TAX1BP1: variants seen among roughly 807,000 people sequenced by gnomAD.
TAX1BP1 encodes tax1-binding protein 1.
Under a neutral mutation model 97.7 loss-of-function variants are expected in TAX1BP1, and 62 were observed. The ratio of observed to expected loss-of-function variants is 0.63; its 90% CI spans 0.52 to 0.78. The LOEUF is 0.78. TAX1BP1 is among the 30% of genes least tolerant of loss of function. TAX1BP1 has a pLI of 0.00. For missense variants in TAX1BP1, 867 were observed against 916.1 expected (o/e 0.95, Z 0.69); for synonymous variants, 340 against 304.2 (o/e 1.12, Z -1.23).
At chr7:27,755,436 A>G (rs114998978) in intron 2 of TAX1BP1, among the ~76,000 whole-genome samples, 1,728 of 152,018 alleles carry the variant, frequency 0.011, 29 homozygotes, top group African/African-American at 0.037. Context: ...TGCTTTCCTC[A>G]ACCTAATGTT....
At chr7:27,809,750 A>G (rs189391938) in intron 13 of TAX1BP1, among the ~76,000 whole-genome samples, 1 of 152,306 alleles carries the variant, frequency 6.6e-6, no homozygotes, top group Non-Finnish European at 1.5e-5. Context: ...GGAACTCTAT[A>G]AAGTTGCTTG....
At chr7:27,768,617 C>G (rs1217633109) in intron 4 of TAX1BP1, among the ~76,000 whole-genome samples, 1 of 151,880 alleles carries the variant, frequency 6.6e-6, no homozygotes, top group South Asian at 2.1e-4. Context: ...GATATACTTG[C>G]CTGGTTCTAA....
chr7:27,764,746 T>G (rs1788556379), intron 3 of TAX1BP1, among the ~76,000 whole-genome samples: 1 of 152,108 alleles, frequency 6.6e-6, no homozygotes, highest in South Asian at 2.1e-4. Flanking sequence ...CTTGTATATT[T>G]ATTAGTTGAT....
intron 5 of TAX1BP1, among the ~76,000 whole-genome samples, chr7:27,777,330 G>C (rs1789070967): frequency 6.6e-6 from 1 of 152,016 alleles, no homozygotes; most frequent in African/African-American, 2.4e-5. Context: ...TTTGAGCCTT[G>C]TTTTCAAGCT....
At chr7:27,813,179 C>T (rs1297585963) in intron 13 of TAX1BP1, among the ~76,000 whole-genome samples, 1 of 127,162 alleles carries the variant, frequency 7.9e-6, no homozygotes, top group East Asian at 2.4e-4. Context: ...TTAAAGACAG[C>T]ATCTCCCTGC....
At chr7:27,790,500 G>T (rs2128317532) in intron 8 of TAX1BP1, among the ~76,000 whole-genome samples, 1 of 151,748 alleles carries the variant, frequency 6.6e-6, no homozygotes, top group African/African-American at 2.4e-5. Flanking sequence ...CCCACCAAGA[G>T]TATATGAGAT....
At chr7:27,789,801 T>C (rs982900586) in intron 8 of TAX1BP1, among the ~76,000 whole-genome samples, 3 of 152,028 alleles carry the variant, frequency 2.0e-5, no homozygotes, top group African/African-American at 7.2e-5. Flanking sequence ...ACATTTAGAA[T>C]TAATGGTTAA....
chr7:27,762,612 A>G (rs1788469524), intron 3 of TAX1BP1, among the ~76,000 whole-genome samples: 1 of 152,168 alleles, frequency 6.6e-6, no homozygotes, highest in Admixed American at 6.5e-5. Context: ...AAAGTGGTTA[A>G]AAAGTAGAGA....
chr7:27,750,701 T>C (rs1787987426), intron 2 of TAX1BP1, among the ~76,000 whole-genome samples: 1 of 152,228 alleles, frequency 6.6e-6, no homozygotes, highest in South Asian at 2.1e-4. Context: ...AGATGAATTA[T>C]TACCTTTTTC....
At chr7:27,804,171 A>G (rs1379517081) in intron 13 of TAX1BP1, among the ~76,000 whole-genome samples, 1 of 152,132 alleles carries the variant, frequency 6.6e-6, no homozygotes, top group African/African-American at 2.4e-5. Context: ...GTATAGCAAA[A>G]TTTGTCAGCA....
chr7:27,782,928 A>C (rs1011193943), intron 5 of TAX1BP1, among the ~76,000 whole-genome samples: 5 of 152,152 alleles, frequency 3.3e-5, no homozygotes, highest in Non-Finnish European at 7.4e-5. Context: ...CTGTTATTTT[A>C]AATACTTTTA....
Position 27,800,097 on chromosome 7 carries a change from T to A in TAX1BP1, c.1764+7T>A. ...AGTACAGGACAATTATAAAGTAAGTTTGGTACTCCTTGTATGTAAACTTAA... is the reference window on the plus strand; with the variant it reads ...AGTACAGGACAATTATAAAGTAAGTATGGTACTCCTTGTATGTAAACTTAA... On this transcript the variant is annotated splice_region_variant and intron_variant, in intron 13 of 16. Coordinates refer to ENST00000396319, the MANE Select transcript of TAX1BP1 (RefSeq NM_006024.7). 1 of 1,566,764 alleles carries A rather than the reference T, an allele frequency of 6.4e-7. No homozygotes were observed. The highest frequency in any genetic ancestry group is 1.4e-5 in the African/African-American group (1 of 73,076).
intron 5 of TAX1BP1, among the ~76,000 whole-genome samples, chr7:27,776,870 TTTTA>T (rs1256108161): frequency 6.6e-6 from 1 of 151,964 alleles, no homozygotes; most frequent in East Asian, 1.9e-4. Context: ...AATAGTTAAA[TTTTA>T]TTTGTCTCCA....
At chr7:27,785,631 T>C in intron 7 of TAX1BP1, 142 bp downstream of exon 7, 1 of 685,544 alleles carries the variant, frequency 1.5e-6, no homozygotes, top group Non-Finnish European at 2.5e-6. Flanking sequence ...AGTCAGGATG[T>C]TGGCAAGGGG....
chr7:27,811,888 T>A (rs555922696), intron 13 of TAX1BP1, among the ~76,000 whole-genome samples: 2 of 152,364 alleles, frequency 1.3e-5, no homozygotes, highest in African/African-American at 4.8e-5. Context: ...TGATAGACAT[T>A]AATCTACCAG....
rs147224846 is a variant in TAX1BP1, at chr7:27,772,068, G to T, written c.612+2234G>T. ...AAACCCTCTAAGTTATAAGACATAT[G>T]TGGTGACAATTGTTTATTTCTGGGG... On this transcript the variant is annotated intron_variant, in intron 5 of 16. Transcript: ENST00000396319. 4.1e-3 allele frequency: 619 copies of T among 151,934 alleles called. 4 individuals are homozygous for T. The highest frequency in any genetic ancestry group is 0.021 in the Middle Eastern group (6 of 288). The allele number at this position is 151,934 out of a possible 1,614,324, so 9.4% of individuals were successfully genotyped here.
intron 13 of TAX1BP1, among the ~76,000 whole-genome samples, chr7:27,813,594 C>T (rs1790644997): frequency 6.6e-6 from 1 of 152,152 alleles, no homozygotes; most frequent in South Asian, 2.1e-4. Context: ...CCCAGAGCCT[C>T]ACAAGTGCTG....
intron 13 of TAX1BP1, among the ~76,000 whole-genome samples, chr7:27,813,734 G>GA (rs1339253040): frequency 6.6e-6 from 1 of 152,162 alleles, no homozygotes; most frequent in Non-Finnish European, 1.5e-5. Context: ...GCCACATTGT[G>GA]AAAATCAGTG....
chr7:27,756,857 T>C (rs971467246), intron 2 of TAX1BP1, among the ~76,000 whole-genome samples: 1 of 152,148 alleles, frequency 6.6e-6, no homozygotes, highest in African/African-American at 2.4e-5. Context: ...GTGTCAAATG[T>C]TTTTTACCTT....
Sources: allele counts gnomAD v4.1 joint callset (sites outside exome capture counted in the v4.1 genomes callset), GRCh38; gene constraint gnomAD v4.1.1; transcripts MANE v1.5; gene names NCBI Gene and HGNC (gene_info 2026-07-23, HGNC 2026-07-21).